The following ZMYND8 variants were observed in gnomAD, a reference collection of about 807,000 sequenced individuals.
ZMYND8 encodes the protein zinc finger MYND-type containing 8, also known as MYND-type zinc finger-containing chromatin reader ZMYND8.
Under a neutral mutation model 140.8 loss-of-function variants are expected in ZMYND8, and 37 were observed. The observed-to-expected ratio is 0.26, with a 90% CI of 0.20 to 0.35. ZMYND8 has a LOEUF of 0.35. Among genes scored for constraint, ZMYND8 ranks in the 10% least tolerant of loss-of-function variants. The probability of loss-of-function intolerance (pLI) is 1.00; values close to 1 mark genes in which losing one functional copy is unlikely to be tolerated. For missense variants in ZMYND8, 1,068 were observed against 1,570.0 expected, an observed-to-expected ratio of 0.68 and a Z score of 5.40; for synonymous variants, 592 against 597.1, an observed-to-expected ratio of 0.99 and a Z score of 0.12.
rs185622069 is a variant in ZMYND8, at chr20:47,329,689, C to G, written c.85+18167G>C. 4.6e-5 allele frequency among the ~76,000 whole-genome samples: 7 copies of G among 152,242 alleles called. No homozygotes were observed. In the East Asian group the frequency reaches 9.7e-4, roughly 21 times the overall value. Reference sequence around the variant, plus strand: ...AAAGTGCTGGGATTACAGGCGTGAGCCACCACGCCTGGCTTGTTAATGTAA... The same window carrying G: ...AAAGTGCTGGGATTACAGGCGTGAGGCACCACGCCTGGCTTGTTAATGTAA... On this transcript the variant is annotated intron_variant, in intron 2 of 22. Coordinates refer to ENST00000471951, the MANE Select transcript of ZMYND8 (RefSeq NM_001281775.3).
rs566903424 is a variant in ZMYND8, at chr20:47,224,093, G to A, written c.3256+224C>T. On this transcript the variant is annotated intron_variant, in intron 19 of 22. Coordinates refer to ENST00000471951, the MANE Select transcript of ZMYND8 (RefSeq NM_001281775.3). ...CACTTTAGGCCTGAGAAGAGATCAAGGGTTCTGCAAAGATCAAAGGTTCAA... is the reference window on the plus strand; with the variant it reads ...CACTTTAGGCCTGAGAAGAGATCAAAGGTTCTGCAAAGATCAAAGGTTCAA... Among the ~76,000 whole-genome samples, 4 of 152,306 alleles carry A rather than the reference G, an allele frequency of 2.6e-5. No individual in the cohort carries two copies. In the South Asian group the frequency reaches 6.2e-4, roughly 24 times the overall value.
chr20:47,226,313 T>A (rs2037703467), intron 18 of ZMYND8, among the ~76,000 whole-genome samples: 1 of 152,178 alleles, frequency 6.6e-6, no homozygotes, highest in Non-Finnish European at 1.5e-5. Flanking sequence ...CACCTGGGCA[T>A]GGGTCCTCAA....
chr20:47,281,644 T>C (rs1215698588), intron 10 of ZMYND8, among the ~76,000 whole-genome samples: 1 of 152,168 alleles, frequency 6.6e-6, no homozygotes, highest in African/African-American at 2.4e-5. Flanking sequence ...CTTCCCACTG[T>C]AGCTTCAGAG....
rs1413914090 is a variant in ZMYND8, at chr20:47,282,085, C to T, written c.998+17G>A. ...TCAGTGAAAGCTACATGTTCCAAGC[C>T]TGTTATTAACTCCCACCTGTCATGT... On this transcript the variant is annotated intron_variant, in intron 10 of 22. Coordinates refer to ENST00000471951, the MANE Select transcript of ZMYND8 (RefSeq NM_001281775.3). 4 of 1,603,568 alleles carry T rather than the reference C, an allele frequency of 2.5e-6. No homozygotes were observed. Among genetic ancestry groups the T allele is most frequent in the Non-Finnish European group, 3.4e-6 (4 of 1,173,262 alleles).
rs1189648327 is a variant in ZMYND8 at position 47,298,284 on chromosome 20, G to A, written c.453+445C>T. The A allele has an allele frequency of 6.1e-6, 6 of 985,186 alleles. No homozygotes were observed. In the African/African-American group the frequency reaches 7.0e-5, roughly 11 times the overall value. The allele number at this position is 985,186 out of a possible 1,614,324, so 61.0% of individuals were successfully genotyped here. ...TGTTGCACAAAAGAAAGCACCAGACGGCCACTACAGGGAACATGCAACCAA... is the reference window on the plus strand; with the variant it reads ...TGTTGCACAAAAGAAAGCACCAGACAGCCACTACAGGGAACATGCAACCAA... On this transcript the variant is annotated intron_variant, in intron 4 of 22. Coordinates refer to ENST00000471951, the MANE Select transcript of ZMYND8 (RefSeq NM_001281775.3). The surrounding 1 kb of genome is among the most constrained non-coding windows in gnomAD (Gnocchi z 5.0).
At position 47,260,886 on chromosome 20, in the gene ZMYND8, C is replaced by G. The variant is rs117671010; in HGVS notation, c.1621+1402G>C. 7.2e-4 allele frequency among the ~76,000 whole-genome samples: 110 copies of G among 152,290 alleles called. 1 individual carries two copies. Among genetic ancestry groups the G allele is most frequent in the East Asian group, 5.6e-3 (29 of 5,184 alleles). ...TAGTGCACAGCACATAATAGATGTTCAAGAAAAATCAATGGTGAGGATGCA... is the reference window on the plus strand; with the variant it reads ...TAGTGCACAGCACATAATAGATGTTGAAGAAAAATCAATGGTGAGGATGCA... On this transcript the variant is annotated intron_variant, in intron 12 of 22. Transcript: ENST00000471951.
intron 2 of ZMYND8, among the ~76,000 whole-genome samples, chr20:47,326,893 C>A (rs1453112678): frequency 6.6e-6 from 1 of 152,136 alleles, no homozygotes; most frequent in African/African-American, 2.4e-5. Flanking sequence ...ATTTGTCTTA[C>A]AACACAGTCC....
chr20:47,299,386 G>A (rs1207923404), intron 3 of ZMYND8, among the ~76,000 whole-genome samples: 3 of 152,152 alleles, frequency 2.0e-5, no homozygotes, highest in African/African-American at 7.2e-5. Context: ...GTGATATAAT[G>A]TATGCCTGTT....
At chr20:47,302,406 A>G (rs1192767652) in intron 3 of ZMYND8, among the ~76,000 whole-genome samples, 1 of 152,194 alleles carries the variant, frequency 6.6e-6, no homozygotes, top group Non-Finnish European at 1.5e-5. Context: ...GCAGTGAGCC[A>G]AGATTACACC....
At position 47,261,814 on chromosome 20, in the gene ZMYND8, G is replaced by A. The variant is rs117767807; in HGVS notation, c.1621+474C>T. Reference sequence around the variant, plus strand: ...GGGCCAGGCATGGTGGTTTATGCCCGTCATCCCATTACTTTTGGAGGCAGA... The same window carrying A: ...GGGCCAGGCATGGTGGTTTATGCCCATCATCCCATTACTTTTGGAGGCAGA... On this transcript the variant is annotated intron_variant, in intron 12 of 22. Coordinates refer to ENST00000471951, the MANE Select transcript of ZMYND8 (RefSeq NM_001281775.3). Among the ~76,000 whole-genome samples, 1,424 of 152,218 alleles carry A rather than the reference G, an allele frequency of 9.4e-3. 8 individuals carry two copies. The highest frequency in any genetic ancestry group is 0.024 in the Middle Eastern group (7 of 294).
chr20:47,320,387 C>T (rs972681710), intron 2 of ZMYND8: 2 of 152,310 alleles, frequency 1.3e-5, no homozygotes, highest in African/African-American at 4.8e-5. Context: ...GAGTTCAGAC[C>T]CAACATGTCA....
chr20:47,334,579 G>A (rs1315832087), intron 2 of ZMYND8, among the ~76,000 whole-genome samples: 1 of 148,456 alleles, frequency 6.7e-6, no homozygotes, highest in Non-Finnish European at 1.5e-5. Context: ...TTGTGCTGTT[G>A]GCTGCACAAC....
At chr20:47,228,536 A>G (rs1284617121) in intron 17 of ZMYND8, among the ~76,000 whole-genome samples, 2 of 152,234 alleles carry the variant, frequency 1.3e-5, no homozygotes, top group Non-Finnish European at 2.9e-5. Flanking sequence ...AACAAGAATG[A>G]AGCTGTTTCT....
intron 21 of ZMYND8, among the ~76,000 whole-genome samples, chr20:47,213,319 G>A (rs762814329): frequency 5.3e-5 from 8 of 152,264 alleles, no homozygotes; most frequent in Non-Finnish European, 8.8e-5. Flanking sequence ...AGGAGTCTCC[G>A]TAAACAGCTG....
At chr20:47,286,389 G>A (rs1264104737) in intron 8 of ZMYND8, among the ~76,000 whole-genome samples, 1 of 152,030 alleles carries the variant, frequency 6.6e-6, no homozygotes, top group African/African-American at 2.4e-5. Flanking sequence ...ATGTTGGCCA[G>A]GCTGGTCTTG....
chr20:47,331,921 T>C (rs2080985550), intron 2 of ZMYND8, among the ~76,000 whole-genome samples: 1 of 152,164 alleles, frequency 6.6e-6, no homozygotes, highest in South Asian at 2.1e-4. Context: ...GAAGTTTGGC[T>C]TGCTGGACGC....
intron 2 of ZMYND8, among the ~76,000 whole-genome samples, chr20:47,335,797 A>C (rs1241857172): frequency 6.6e-6 from 1 of 152,252 alleles, no homozygotes; most frequent in Non-Finnish European, 1.5e-5. Flanking sequence ...ACAGATGCAC[A>C]GTAGAGACGA....
At chr20:47,236,257 C>A in intron 16 of ZMYND8, 69 bp downstream of exon 16, 2 of 1,598,420 alleles carry the variant, frequency 1.3e-6, no homozygotes, top group South Asian at 2.2e-5. Context: ...CGCTTCCCCT[C>A]GGGAGACCAA....
chr20:47,237,150 C>CTTT lies in ZMYND8; in HGVS notation c.2666-637_2666-635dup, dbSNP rs888571132. 5.1e-3 allele frequency among the ~76,000 whole-genome samples: 711 copies of CTTT among 140,680 alleles called. 10 individuals are homozygous for CTTT. Among genetic ancestry groups the CTTT allele is most frequent in the African/African-American group, 0.018 (677 of 36,760 alleles). The allele number at this position is 140,680 out of a possible 152,430, so 92.3% of individuals were successfully genotyped here. ...CAATGAGCCACTTTTTGGCAGCGCT[C>CTTT]TTTTTTTTTTTTTTGACAGTCTCAC... On this transcript the variant is annotated intron_variant, in intron 15 of 22. Transcript: ENST00000471951.
Sources: allele counts gnomAD v4.1 joint callset (sites outside exome capture counted in the v4.1 genomes callset), GRCh38; gene constraint gnomAD v4.1.1; non-coding constraint Gnocchi (gnomAD v3.1); transcripts MANE v1.5; gene names NCBI Gene and HGNC (gene_info 2026-07-23, HGNC 2026-07-21).